SMARCE1: variants seen among roughly 807,000 people sequenced by gnomAD.
SMARCE1 encodes the protein SWI/SNF-related matrix-associated actin-dependent regulator of chromatin subfamily E member 1.
SMARCE1 carries 13 observed loss-of-function variants against 54.9 expected under a neutral mutation model. The observed-to-expected ratio is 0.24, with a 90% confidence interval of 0.15 to 0.38. The LOEUF is 0.38. SMARCE1 is among the 10% of genes least tolerant of loss of function. The probability of loss-of-function intolerance (pLI) is 1.00; values close to 1 mark genes in which losing one functional copy is unlikely to be tolerated. For missense variants in SMARCE1, 295 were observed against 523.8 expected, an observed-to-expected ratio of 0.56 and a Z score of 4.26; for synonymous variants, 151 against 175.3, an observed-to-expected ratio of 0.86 and a Z score of 1.10.
chr17:40,628,477 A>C lies in SMARCE1; in HGVS notation c.*308T>G, dbSNP rs2037057042. 1 of 298,914 alleles carries C rather than the reference A, an allele frequency of 3.3e-6. No homozygotes were observed. Among genetic ancestry groups the C allele is most frequent in the Non-Finnish European group, 6.4e-6 (1 of 157,152 alleles). 18.5% of individuals were successfully genotyped at this position (298,914 alleles called of 1,614,324 possible). A position where few individuals can be genotyped will look rare whatever the true frequency, so the allele number is the denominator to read the frequency against. On this transcript the variant is annotated 3_prime_UTR_variant, in exon 11 of 11. Coordinates refer to ENST00000348513, the MANE Select transcript of SMARCE1 (RefSeq NM_003079.5). ...GTGAGCTGTAGGAAGGCATTGTAAG[A>C]GTAGATTCTGCAGCATCAAAGGATA...
rs1407868846 is a variant in SMARCE1 at position 40,645,860 on chromosome 17, A to C, written c.-45-13T>G. On this transcript the variant is annotated splice_polypyrimidine_tract_variant and intron_variant, in intron 1 of 10. Transcript: ENST00000348513. ...TGAATCTGAGACACTAAAATAAAAAAAAAAGGAAAAAAAAAAGAGAATCAA... is the reference window on the plus strand; with the variant it reads ...TGAATCTGAGACACTAAAATAAAAACAAAAGGAAAAAAAAAAGAGAATCAA... 7.4e-6 allele frequency: 6 copies of C among 805,680 alleles called. No homozygotes were observed. The highest frequency in any genetic ancestry group is 8.9e-6 in the Non-Finnish European group (5 of 564,708). 49.9% of individuals were successfully genotyped at this position (805,680 alleles called of 1,614,324 possible). A position where few individuals can be genotyped will look rare whatever the true frequency, so the allele number is the denominator to read the frequency against.
intron 7 of SMARCE1, chr17:40,634,554 A>C (rs540212650): frequency 6.6e-6 from 1 of 152,204 alleles, no homozygotes; most frequent in Non-Finnish European, 1.5e-5. Context: ...TCCTCTTTCT[A>C]ATCATTTTCG....
intron 10 of SMARCE1, chr17:40,629,280 A>C (rs2037067154): frequency 9.9e-6 from 4 of 402,660 alleles, no homozygotes; most frequent in Non-Finnish European, 1.7e-5. Flanking sequence ...AGACTGTTTA[A>C]AAAAAGGAAA....
At chr17:40,637,029 C>CAAAA (rs398041688) in intron 5 of SMARCE1, 11 of 101,374 alleles carry the variant, frequency 1.1e-4, no homozygotes, top group East Asian at 3.0e-4. Flanking sequence ...GGCTCATCAC[C>CAAAA]AAAAAAAAAA....
intron 7 of SMARCE1, chr17:40,634,770 C>T (rs2037129407): frequency 1.3e-5 from 2 of 152,162 alleles, no homozygotes; most frequent in African/African-American, 4.8e-5. Flanking sequence ...GCCTTTGTTT[C>T]CTCTTGTACT....
intron 9 of SMARCE1, 30 bp from the exon 10 acceptor site, chr17:40,630,954 GT>G: frequency 6.4e-7 from 1 of 1,568,440 alleles, no homozygotes; most frequent in South Asian, 1.1e-5. Flanking sequence ...ACTCCGTAAT[GT>G]TTTTTCCTTA....
chr17:40,640,273 T>C (rs2037184691), intron 4 of SMARCE1, among the ~76,000 whole-genome samples: 1 of 152,236 alleles, frequency 6.6e-6, no homozygotes. Flanking sequence ...TTCACACCTG[T>C]ACTTAAGAGA....
rs2037060934 is a variant in SMARCE1, at chr17:40,628,851, C to A, written c.1170G>T (p.Glu390Asp). 4.3e-6 allele frequency: 7 copies of A among 1,613,852 alleles called. No homozygotes were observed. Among genetic ancestry groups the A allele is most frequent in the Non-Finnish European group, 5.9e-6 (7 of 1,179,830 alleles). The change falls in exon 11 of 11, where the codon GAG (glutamate) becomes GAT (aspartate). Residue 390 changes from glutamate to aspartate, a missense_variant. Physicochemically the swap from Glu to Asp is conservative, Grantham distance 45 (BLOSUM62 2). Coordinates refer to ENST00000348513, the MANE Select transcript of SMARCE1 (RefSeq NM_003079.5). ...EGTSDSNTGS[E>D]SNSATVEEPP... is the part of the protein sequence containing the mutation. ...GCTCCTCCACTGTTGCACTGTTGCT[C>A]TCCGAGCCAGTGTTACTATCACTGG... is the stretch of plus-strand genomic sequence containing the variant.
chr17:40,640,439 CTA>C (rs2037186850), intron 4 of SMARCE1: 1 of 152,236 alleles, frequency 6.6e-6, no homozygotes, highest in African/African-American at 2.4e-5. Flanking sequence ...CCAATGTTCT[CTA>C]CAGCCTACCA....
chr17:40,638,452 C>A (rs898662566), intron 4 of SMARCE1, among the ~76,000 whole-genome samples: 1 of 150,874 alleles, frequency 6.6e-6, no homozygotes, highest in Non-Finnish European at 1.5e-5. Flanking sequence ...AAAGGTAAAG[C>A]AAAAATAGGT....
rs1488023965 is a variant in SMARCE1, at chr17:40,625,783, A to C, written c.*3002T>G. On this transcript the variant is annotated 3_prime_UTR_variant, in exon 11 of 11. Coordinates refer to ENST00000348513, the MANE Select transcript of SMARCE1 (RefSeq NM_003079.5). ...ATTTTATCTTTTCCATAGGGCATTG[A>C]CATTATTGTGTTAATGTGAAATAGC... The C allele has an allele frequency of 1.3e-5, 2 of 152,202 alleles. No individual in the cohort carries two copies. Among genetic ancestry groups the C allele is most frequent in the East Asian group, 3.8e-4 (2 of 5,200 alleles). 9.4% of individuals were successfully genotyped at this position (152,202 alleles called of 1,614,324 possible).
intron 4 of SMARCE1, among the ~76,000 whole-genome samples, chr17:40,638,009 C>T (rs530075657): frequency 1.3e-5 from 2 of 152,298 alleles, no homozygotes; most frequent in Admixed American, 1.3e-4. Flanking sequence ...GGGGCCTTAA[C>T]CTATTAGCAC....
Position 40,642,114 on chromosome 17 carries a change from T to A in SMARCE1, c.156+341A>T, listed in dbSNP as rs548132958. The stretch of plus-strand genomic sequence containing the variant: ...ACTCAATCCTTGAGACTAATGCCAA[T>A]CACCTTATAAAAATGAAAAATACTC... On this transcript the variant is annotated intron_variant, in intron 4 of 10. Coordinates refer to ENST00000348513, the MANE Select transcript of SMARCE1 (RefSeq NM_003079.5). The surrounding 1 kb of genome is among the most constrained non-coding windows in gnomAD (Gnocchi z 4.6). 9.7e-6 allele frequency: 4 copies of A among 412,112 alleles called. No individual in the cohort carries two copies. The highest frequency in any genetic ancestry group is 1.3e-5 in the Non-Finnish European group (3 of 234,692). The allele number at this position is 412,112 out of a possible 1,614,324, so 25.5% of individuals were successfully genotyped here.
Position 40,630,919 on chromosome 17 carries a change from G to T in SMARCE1, c.822C>A (p.Cys274Ter). Reference sequence around the variant, plus strand: ...CCATATCCACTTCTACTTTCAGACCGCACAACTAATCAGAAAAAAACAGAA... The same window carrying T: ...CCATATCCACTTCTACTTTCAGACCTCACAACTAATCAGAAAAAAACAGAA... ...DSFNNELKRL[C>*]GLKVEVDMEK... Residue 274 changes from cysteine (C) to a stop codon, truncating the protein, a stop_gained, in exon 10 of 11, where the codon TGC becomes TGA. Coordinates refer to ENST00000348513, the MANE Select transcript of SMARCE1 (RefSeq NM_003079.5). LOFTEE classifies it high-confidence loss of function. 1 of 1,610,496 alleles carries T rather than the reference G, an allele frequency of 6.2e-7. No homozygotes were observed. Among genetic ancestry groups the T allele is most frequent in the Non-Finnish European group, 8.5e-7 (1 of 1,178,500 alleles).
chr17:40,631,722 G>T (rs764298370), intron 8 of SMARCE1, 29 bp from the exon 9 acceptor site: 6 of 1,290,446 alleles, frequency 4.6e-6, no homozygotes, highest in Non-Finnish European at 6.7e-6. Flanking sequence ...CTTCATAATT[G>T]TGTCTCATTT....
chr17:40,629,303 A>C (rs941091472), intron 10 of SMARCE1: 2 of 404,248 alleles, frequency 4.9e-6, no homozygotes, highest in Non-Finnish European at 8.7e-6. Flanking sequence ...TGATTTTAAA[A>C]ATGTTCCTTC....
intron 4 of SMARCE1, among the ~76,000 whole-genome samples, chr17:40,639,759 T>G (rs144124330): frequency 5.9e-5 from 9 of 152,316 alleles, no homozygotes; most frequent in African/African-American, 2.2e-4. Context: ...ACAGACATCT[T>G]TCTACAATGT....
Position 40,626,829 on chromosome 17 carries a change from GC to G in SMARCE1, c.*1955del, listed in dbSNP as rs2037040117. 1 of 68,956 alleles carries G rather than the reference GC, an allele frequency of 1.5e-5. No individual in the cohort carries two copies. Among genetic ancestry groups the G allele is most frequent in the Admixed American group, 1.8e-4 (1 of 5,624 alleles). The allele number at this position is 68,956 out of a possible 1,614,324, so 4.3% of individuals were successfully genotyped here. A position where few individuals can be genotyped will look rare whatever the true frequency, so the allele number is the denominator to read the frequency against. On this transcript the variant is annotated 3_prime_UTR_variant, in exon 11 of 11. Coordinates refer to ENST00000348513, the MANE Select transcript of SMARCE1 (RefSeq NM_003079.5). Reference sequence around the variant, plus strand: ...GTGGAGGTTGCAGTGAGCTGAGATCGCCACCACTGCACTCCAACCTGGGCGA... The same window carrying G: ...GTGGAGGTTGCAGTGAGCTGAGATCGCACCACTGCACTCCAACCTGGGCGA...
chr17:40,631,393 TG>T, intron 9 of SMARCE1, 198 bp downstream of exon 9: 1 of 530,164 alleles, frequency 1.9e-6, no homozygotes, highest in South Asian at 2.5e-5. Flanking sequence ...GTATACTCTA[TG>T]ATATTTCAAA....
Sources: allele counts gnomAD v4.1 joint callset (sites outside exome capture counted in the v4.1 genomes callset), GRCh38; gene constraint gnomAD v4.1.1; non-coding constraint Gnocchi (gnomAD v3.1); transcripts MANE v1.5; gene names NCBI Gene and HGNC (gene_info 2026-07-23, HGNC 2026-07-21).